Variants in ARID1B observed in about 807,000 individuals in gnomAD.
ARID1B encodes the protein AT-rich interactive domain-containing protein 1B.
ARID1B carries 30 observed loss-of-function variants against 212.3 expected under a neutral mutation model. That is an observed-to-expected ratio of 0.14 (90% CI 0.11 to 0.19). ARID1B has a LOEUF of 0.19. Among genes scored for constraint, ARID1B ranks in the 10% least tolerant of loss-of-function variants. The pLI is 1.00. For synonymous variants in ARID1B, 1,402 were observed against 1,301.7 expected, an observed-to-expected ratio of 1.08 and a Z score of -1.66; for missense variants, 2,891 against 3,204.0, an observed-to-expected ratio of 0.90 and a Z score of 2.36.
At chr6:157,024,955 A>AT (rs1034477307) in intron 4 of ARID1B, among the ~76,000 whole-genome samples, 8 of 152,118 alleles carry the variant, frequency 5.3e-5, no homozygotes, top group Non-Finnish European at 7.4e-5. Flanking sequence ...TTGTGTAATA[A>AT]TTTTCATGAC....
intron 7 of ARID1B, among the ~76,000 whole-genome samples, chr6:157,138,354 G>C (rs1192365532): frequency 6.6e-6 from 1 of 152,094 alleles, no homozygotes; most frequent in African/African-American, 2.4e-5. Flanking sequence ...TCCCACCTCA[G>C]CCTCTCTAGT....
At chr6:156,878,349 G>A (rs540659822) in intron 2 of ARID1B, among the ~76,000 whole-genome samples, 4 of 152,260 alleles carry the variant, frequency 2.6e-5, no homozygotes, top group African/African-American at 9.6e-5. Context: ...AGGAACAAGG[G>A]AGACCACACC....
At chr6:157,020,814 A>T (rs1201348798) in intron 4 of ARID1B, among the ~76,000 whole-genome samples, 1 of 152,150 alleles carries the variant, frequency 6.6e-6, no homozygotes, top group Non-Finnish European at 1.5e-5. Flanking sequence ...GTGGTACGTG[A>T]GTTTATGCTG....
chr6:156,818,124 T>TTTTTTA (rs1554255156), intron 1 of ARID1B, among the ~76,000 whole-genome samples: 5 of 133,440 alleles, frequency 3.7e-5, no homozygotes, highest in South Asian at 2.7e-4. Context: ...TTTTTTTTTT[T>TTTTTTA]AGAATATAAG....
intron 4 of ARID1B, among the ~76,000 whole-genome samples, chr6:156,956,770 G>T (rs1490417878): frequency 6.6e-6 from 1 of 152,168 alleles, no homozygotes; most frequent in African/African-American, 2.4e-5. Flanking sequence ...CTGCAGTGAT[G>T]AAAACAGTCC....
chr6:157,142,853 G>T (rs1052909284), intron 7 of ARID1B, among the ~76,000 whole-genome samples: 1 of 151,974 alleles, frequency 6.6e-6, no homozygotes, highest in African/African-American at 2.4e-5. Flanking sequence ...ATCATATAGG[G>T]AATGACGCAG....
rs1418806370 is a variant in ARID1B, at chr6:157,190,227, C to T, written c.4231+17C>T. The T allele has an allele frequency of 1.3e-6, 2 of 1,595,638 alleles. No individual in the cohort carries two copies. Among genetic ancestry groups the T allele is most frequent in the East Asian group, 4.5e-5 (2 of 44,766 alleles). ...TGAGAAAAGGTACGTGTAGAGGGGCCTCCACCCGGCCATGGACCAGTGGGC... is the reference window on the plus strand; with the variant it reads ...TGAGAAAAGGTACGTGTAGAGGGGCTTCCACCCGGCCATGGACCAGTGGGC... On this transcript the variant is annotated intron_variant, in intron 15 of 19. Coordinates refer to ENST00000636930, the MANE Select transcript of ARID1B (RefSeq NM_001374828.1). This position sits in a 1 kb window ranked among gnomAD's most constrained non-coding sequence, Gnocchi z 4.6.
At position 157,039,678 on chromosome 6, in the gene ARID1B, CTTCCTTCCTTCCTTCCTTCTTTCT is replaced by C. The variant is rs1781647091; in HGVS notation, c.2248-44977_2248-44954del. ...CCTTCCTTCCTTCCTTCCTTCCTTC[CTTCCTTCCTTCCTTCCTTCTTTCT>C]TTCCTTTCTTTCCTTCCTTTCTTTC... is the stretch of plus-strand genomic sequence containing the variant. On this transcript the variant is annotated intron_variant, in intron 4 of 19. Transcript: ENST00000636930. 1.0e-4 allele frequency among the ~76,000 whole-genome samples: 9 copies of C among 85,922 alleles called. No individual in the cohort carries two copies. In the South Asian group the frequency reaches 2.2e-3, roughly 21 times the overall value. 56.4% of individuals were successfully genotyped at this position (85,922 alleles called of 152,430 possible). A position where few individuals can be genotyped will look rare whatever the true frequency, so the allele number is the denominator to read the frequency against.
In ARID1B at chr6:157,207,973, C is replaced by T. The variant is rs980457505; in HGVS notation, c.*82C>T. ...CTGTTTTCTGTTCTTGTTTATCCAG[C>T]GTAGGAAGAAGGAAAAGAAAATCTT... On this transcript the variant is annotated 3_prime_UTR_variant, in exon 20 of 20. Coordinates refer to ENST00000636930, the MANE Select transcript of ARID1B (RefSeq NM_001374828.1). This position sits in a 1 kb window ranked among gnomAD's most constrained non-coding sequence, Gnocchi z 8.5. 3.7e-6 allele frequency: 5 copies of T among 1,358,094 alleles called. No homozygotes were observed. The highest frequency in any genetic ancestry group is 2.4e-5 in the East Asian group (1 of 41,098). The allele number at this position is 1,358,094 out of a possible 1,614,324, so 84.1% of individuals were successfully genotyped here. A position where few individuals can be genotyped will look rare whatever the true frequency, so the allele number is the denominator to read the frequency against.
chr6:156,998,474 C>T (rs915131988), intron 4 of ARID1B, among the ~76,000 whole-genome samples: 2 of 152,160 alleles, frequency 1.3e-5, no homozygotes, highest in African/African-American at 2.4e-5. Flanking sequence ...CCACCCGCCT[C>T]GGCCTCCCAA....
chr6:156,808,357 G>C (rs1781327625), intron 1 of ARID1B, among the ~76,000 whole-genome samples: 1 of 152,100 alleles, frequency 6.6e-6, no homozygotes, highest in South Asian at 2.1e-4. Flanking sequence ...GTACTCAATA[G>C]GTATTCTAGT....
At chr6:156,780,184 C>T (rs1025740477) in intron 1 of ARID1B, 2 of 152,192 alleles carry the variant, frequency 1.3e-5, no homozygotes, top group Non-Finnish European at 1.5e-5. Context: ...CATTATTGGG[C>T]TTACGGGCTG....
chr6:157,032,989 G>A (rs1158881541), intron 4 of ARID1B, among the ~76,000 whole-genome samples: 1 of 152,124 alleles, frequency 6.6e-6, no homozygotes, highest in African/African-American at 2.4e-5. Context: ...GTAATTTACT[G>A]TAAACTCCCT....
intron 6 of ARID1B, among the ~76,000 whole-genome samples, chr6:157,127,885 C>G (rs1788250763): frequency 6.7e-6 from 1 of 149,848 alleles, no homozygotes; most frequent in Admixed American, 6.7e-5. Context: ...TCACTTGAAC[C>G]TGGGAGGCAG....
chr6:157,114,343 TG>T (rs945272431), intron 6 of ARID1B, among the ~76,000 whole-genome samples: 3 of 151,434 alleles, frequency 2.0e-5, no homozygotes, highest in Non-Finnish European at 2.9e-5. Context: ...ACCAACATGG[TG>T]AAACCCCGTC....
intron 1 of ARID1B, 174 bp downstream of exon 1, chr6:156,779,645 G>A: frequency 3.6e-6 from 2 of 550,500 alleles, no homozygotes; most frequent in Non-Finnish European, 4.8e-6. Flanking sequence ...GGGCGCCCCG[G>A]GGGCCGGCGC....
intron 5 of ARID1B, among the ~76,000 whole-genome samples, chr6:157,109,686 ATC>A (rs1786758953): frequency 6.6e-6 from 1 of 152,222 alleles, no homozygotes; most frequent in African/African-American, 2.4e-5. Context: ...ATGACTCATT[ATC>A]TCTCTTTTAT....
chr6:156,963,731 C>A (rs1794555076), intron 4 of ARID1B, among the ~76,000 whole-genome samples: 1 of 152,138 alleles, frequency 6.6e-6, no homozygotes, highest in Non-Finnish European at 1.5e-5. Flanking sequence ...TCTCCTGAAA[C>A]CAAAACAAAC....
chr6:157,035,744 AC>A (rs1781287326), intron 4 of ARID1B, among the ~76,000 whole-genome samples: 1 of 152,128 alleles, frequency 6.6e-6, no homozygotes, highest in African/African-American at 2.4e-5. Context: ...TGCTTTCCGC[AC>A]CAGGCTCTGC....
Sources: allele counts gnomAD v4.1 joint callset (sites outside exome capture counted in the v4.1 genomes callset), GRCh38; gene constraint gnomAD v4.1.1; non-coding constraint Gnocchi (gnomAD v3.1); transcripts MANE v1.5; gene names NCBI Gene and HGNC (gene_info 2026-07-23, HGNC 2026-07-21).